The following ADARB2 variants were observed in gnomAD, a reference collection of about 807,000 sequenced individuals.
ADARB2 encodes the protein adenosine deaminase RNA specific B2 (inactive), also known as inactive double-stranded RNA-specific editase B2.
In ADARB2, 25 loss-of-function variants were observed where a neutral mutation model predicts 62.2. That is an observed-to-expected ratio of 0.40 (90% confidence interval 0.29 to 0.56). ADARB2 has a LOEUF of 0.56. Among genes scored for constraint, ADARB2 ranks in the 20% least tolerant of loss-of-function variants. The pLI, the probability that ADARB2 is intolerant of heterozygous loss-of-function variation, is 0.43. For missense variants in ADARB2, 1,071 were observed against 1,077.4 expected (o/e 0.99, Z 0.08); for synonymous variants, 572 against 500.8 (o/e 1.14, Z -1.90).
intron 1 of ADARB2, among the ~76,000 whole-genome samples, chr10:1,465,834 G>A (rs971270524): frequency 3.3e-5 from 5 of 152,190 alleles, no homozygotes; most frequent in Admixed American, 2.6e-4. Context: ...AGCCTCCCTC[G>A]GGCGGTCCTG....
chr10:1,201,992 CTT>C (rs1471160377), intron 7 of ADARB2, among the ~76,000 whole-genome samples: 2 of 152,142 alleles, frequency 1.3e-5, no homozygotes, highest in African/African-American at 4.8e-5. Flanking sequence ...CAGAGTCAAT[CTT>C]TTCCTTGATG....
At chr10:1,652,724 G>A (rs1361354007) in intron 1 of ADARB2, among the ~76,000 whole-genome samples, 3 of 152,180 alleles carry the variant, frequency 2.0e-5, no homozygotes, top group Admixed American at 1.3e-4. Flanking sequence ...GCACAGGTCA[G>A]CATCAGCAAG....
chr10:1,629,460 C>T (rs1023815120), intron 1 of ADARB2, among the ~76,000 whole-genome samples: 3 of 151,968 alleles, frequency 2.0e-5, no homozygotes, highest in African/African-American at 7.3e-5. Context: ...CGCTCAAGCA[C>T]CCCGCCAGCG....
intron 8 of ADARB2, chr10:1,187,866 G>A (rs1464674755): frequency 4.6e-6 from 2 of 434,376 alleles, no homozygotes; most frequent in African/African-American, 4.0e-5. Context: ...GGTCCCATGT[G>A]TCCATATGTG....
At chr10:1,673,187 C>G (rs1017288344) in intron 1 of ADARB2, among the ~76,000 whole-genome samples, 3 of 152,158 alleles carry the variant, frequency 2.0e-5, no homozygotes, top group African/African-American at 7.2e-5. Context: ...AGACTTCCAA[C>G]TCACATTGTA....
intron 1 of ADARB2, among the ~76,000 whole-genome samples, chr10:1,573,619 A>C (rs1309048682): frequency 3.3e-5 from 5 of 152,002 alleles, no homozygotes; most frequent in African/African-American, 1.2e-4. Flanking sequence ...GCCCAGGCGC[A>C]CTCTGCACCT....
chr10:1,402,485 G>A (rs1036028027), intron 1 of ADARB2, among the ~76,000 whole-genome samples: 2 of 152,170 alleles, frequency 1.3e-5, no homozygotes, highest in Non-Finnish European at 2.9e-5. Flanking sequence ...AGCTCACACA[G>A]GCCTGGAAAT....
Position 1,556,331 on chromosome 10 carries a change from A to AG in ADARB2, c.101-177172dup, listed in dbSNP as rs1832702345. ...TGCTTGAGGGGGTTCTATAAGAGGA[A>AG]GGGGATAGATGCATTGTGTAGGAAA... On this transcript the variant is annotated intron_variant, in intron 1 of 9. Transcript: ENST00000381312. Among the ~76,000 whole-genome samples, 4 of 151,528 alleles carry AG rather than the reference A, an allele frequency of 2.6e-5. No homozygotes were observed. In the South Asian group the frequency reaches 8.4e-4, roughly 32 times the overall value.
chr10:1,717,008 GTTATTCTGATCACGTTATTCTGATCACA>G (rs1588364598), intron 1 of ADARB2, among the ~76,000 whole-genome samples: 1 of 151,944 alleles, frequency 6.6e-6, no homozygotes, highest in East Asian at 1.9e-4. Flanking sequence ...ACACATTCAT[GTTATTCTGATCACGTTATTCTGATCACA>G]TTATTCTGAT....
intron 1 of ADARB2, among the ~76,000 whole-genome samples, chr10:1,510,140 CTTTCTTTCTTTCTTTCTTTCTT>C (rs1182758249): frequency 1.1e-4 from 14 of 124,346 alleles, no homozygotes; most frequent in African/African-American, 4.1e-4. Flanking sequence ...TTCTTTCTTT[CTTTCTTTCTTTCTTTCTTTCTT>C]TCTTTCTTTT....
chr10:1,411,749 GA>G (rs1832761837), intron 1 of ADARB2, among the ~76,000 whole-genome samples: 1 of 152,180 alleles, frequency 6.6e-6, no homozygotes, highest in Non-Finnish European at 1.5e-5. Context: ...GGTGCTTCCT[GA>G]AACGCCATTT....
intron 3 of ADARB2, among the ~76,000 whole-genome samples, chr10:1,296,401 C>T (rs1363340913): frequency 6.6e-6 from 1 of 152,216 alleles, no homozygotes; most frequent in East Asian, 1.9e-4. Context: ...GCTGCTTAAC[C>T]CCATTATCGG....
At chr10:1,537,072 G>C (rs185451828) in intron 1 of ADARB2, among the ~76,000 whole-genome samples, 1 of 152,226 alleles carries the variant, frequency 6.6e-6, no homozygotes, top group East Asian at 1.9e-4. Flanking sequence ...ATCTGACAAA[G>C]GTCTAATATC....
At chr10:1,423,236 C>T (rs775237369) in intron 1 of ADARB2, among the ~76,000 whole-genome samples, 1 of 152,230 alleles carries the variant, frequency 6.6e-6, no homozygotes, top group Non-Finnish European at 1.5e-5. Flanking sequence ...AGCTTCACGC[C>T]ATTGCTTACA....
chr10:1,497,522 C>T (rs944230528), intron 1 of ADARB2, among the ~76,000 whole-genome samples: 1 of 152,116 alleles, frequency 6.6e-6, no homozygotes, highest in Non-Finnish European at 1.5e-5. Context: ...TTCATCAGTT[C>T]CTCTCAGTTG....
At chr10:1,515,168 T>C (rs1831993229) in intron 1 of ADARB2, among the ~76,000 whole-genome samples, 1 of 152,128 alleles carries the variant, frequency 6.6e-6, no homozygotes, top group South Asian at 2.1e-4. Flanking sequence ...AGGAAAACTA[T>C]GGAATAGCCA....
At chr10:1,207,751 T>C (rs1837088906) in intron 7 of ADARB2, among the ~76,000 whole-genome samples, 1 of 152,252 alleles carries the variant, frequency 6.6e-6, no homozygotes, top group African/African-American at 2.4e-5. Flanking sequence ...CACATTGTGA[T>C]CAATAATCAA....
At chr10:1,347,810 G>A (rs1832094165) in intron 3 of ADARB2, among the ~76,000 whole-genome samples, 1 of 152,192 alleles carries the variant, frequency 6.6e-6, no homozygotes, top group African/African-American at 2.4e-5. Context: ...GCTGAGAAGG[G>A]AGCTGAAATA....
At chr10:1,644,518 C>T (rs1174027397) in intron 1 of ADARB2, among the ~76,000 whole-genome samples, 2 of 152,246 alleles carry the variant, frequency 1.3e-5, no homozygotes, top group Non-Finnish European at 2.9e-5. Flanking sequence ...AAAAGCAAAA[C>T]GTGCACATGC....
Sources: allele counts gnomAD v4.1 joint callset (sites outside exome capture counted in the v4.1 genomes callset), GRCh38; gene constraint gnomAD v4.1.1; transcripts MANE v1.5; gene names NCBI Gene and HGNC (gene_info 2026-07-23, HGNC 2026-07-21).